Variants in CTNNBL1 observed in about 807,000 individuals in gnomAD.
The protein encoded by CTNNBL1 is catenin beta like 1, also known as beta-catenin-like protein 1.
Under a neutral mutation model 72.7 loss-of-function variants are expected in CTNNBL1, and 31 were observed. The observed-to-expected ratio is 0.43, with a 90% CI of 0.32 to 0.58. The LOEUF is 0.58. CTNNBL1 is among the 20% of genes least tolerant of loss of function. The pLI, the probability that CTNNBL1 is intolerant of heterozygous loss-of-function variation, is 0.08. For synonymous variants in CTNNBL1, 240 were observed against 267.3 expected (o/e 0.90, Z 1.00); for missense variants, 534 against 725.1 (o/e 0.74, Z 3.03).
At chr20:37,794,984 C>T (rs1295224650) in intron 10 of CTNNBL1, among the ~76,000 whole-genome samples, 1 of 151,816 alleles carries the variant, frequency 6.6e-6, no homozygotes, top group Non-Finnish European at 1.5e-5. Flanking sequence ...TGTAATTTGT[C>T]CCTTTTTTCT....
chr20:37,856,851 A>G (rs973410508), intron 13 of CTNNBL1, among the ~76,000 whole-genome samples: 1 of 152,150 alleles, frequency 6.6e-6, no homozygotes, highest in Non-Finnish European at 1.5e-5. Flanking sequence ...GGTTAAAACC[A>G]GGGCTTCCCT....
At chr20:37,703,133 A>G (rs2122544665) in intron 1 of CTNNBL1, among the ~76,000 whole-genome samples, 1 of 152,348 alleles carries the variant, frequency 6.6e-6, no homozygotes, top group Non-Finnish European at 1.5e-5. Context: ...AAAAAATTAT[A>G]AAAATAGTAG....
intron 11 of CTNNBL1, among the ~76,000 whole-genome samples, chr20:37,837,763 C>T (rs1037107813): frequency 6.6e-6 from 1 of 152,226 alleles, no homozygotes; most frequent in Non-Finnish European, 1.5e-5. Context: ...ATATCGATAG[C>T]CTGCTTTCTT....
chr20:37,779,365 C>CT (rs2073605915), intron 10 of CTNNBL1, 30 bp downstream of exon 10: 5 of 1,606,180 alleles, frequency 3.1e-6, no homozygotes, highest in Non-Finnish European at 4.3e-6. Flanking sequence ...GTTCTCCCAC[C>CT]TTTTTTGCCT....
intron 5 of CTNNBL1, among the ~76,000 whole-genome samples, chr20:37,761,771 G>C (rs988229102): frequency 6.6e-6 from 1 of 152,258 alleles, no homozygotes; most frequent in Non-Finnish European, 1.5e-5. Context: ...ATGTAGAGTA[G>C]CTGGGAAGTC....
In CTNNBL1 at chr20:37,777,670, T is replaced by C. The variant is rs1383259269; in HGVS notation, c.840T>C (p.Leu280=). 1.2e-6 allele frequency: 2 copies of C among 1,613,806 alleles called. No individual in the cohort carries two copies. Among genetic ancestry groups the C allele is most frequent in the Non-Finnish European group, 1.7e-6 (2 of 1,179,744 alleles). Residue 280 remains leucine (L), a synonymous_variant, in exon 9 of 16, where the codon CTT becomes CTC. Transcript: ENST00000361383. ...LQDNDENREL[L]GELDGIDVLL... ...CCCCTTTAGAAAACAGGGAATTGCT[T>C]GGGGAGCTGGATGGAATCGATGTGC... is the stretch of plus-strand genomic sequence containing the variant.
chr20:37,783,934 A>G (rs1447434246), intron 10 of CTNNBL1, among the ~76,000 whole-genome samples: 2 of 152,230 alleles, frequency 1.3e-5, no homozygotes, highest in African/African-American at 4.8e-5. Context: ...TGTTTGATCC[A>G]GTGCTGAAAG....
At chr20:37,744,314 C>A (rs1333235444) in intron 3 of CTNNBL1, among the ~76,000 whole-genome samples, 1 of 152,148 alleles carries the variant, frequency 6.6e-6, no homozygotes, top group African/African-American at 2.4e-5. Flanking sequence ...CAAAATATAT[C>A]AAAATCTATT....
intron 11 of CTNNBL1, among the ~76,000 whole-genome samples, chr20:37,812,519 C>T (rs556020439): frequency 1.2e-4 from 19 of 152,328 alleles, no homozygotes; most frequent in Middle Eastern, 6.8e-3. Context: ...AAATTCATTA[C>T]GTCTTCAAAT....
chr20:37,802,368 G>C (rs560447634), intron 10 of CTNNBL1, among the ~76,000 whole-genome samples: 1 of 152,176 alleles, frequency 6.6e-6, no homozygotes, highest in Admixed American at 6.5e-5. Context: ...AGGGTAGGGG[G>C]TGTTAAGAGT....
At chr20:37,848,977 C>A (rs6512730) in intron 13 of CTNNBL1, among the ~76,000 whole-genome samples, 97 of 152,130 alleles carry the variant, frequency 6.4e-4, no homozygotes, top group African/African-American at 2.2e-3. Flanking sequence ...ATCTCTTCCC[C>A]TACTGCCCAT....
At chr20:37,724,099 G>A (rs573216812) in intron 1 of CTNNBL1, among the ~76,000 whole-genome samples, 1 of 152,328 alleles carries the variant, frequency 6.6e-6, no homozygotes, top group South Asian at 2.1e-4. Flanking sequence ...GAGGTTAACA[G>A]CAGATGATTT....
chr20:37,775,566 A>G (rs2073566598), intron 7 of CTNNBL1, among the ~76,000 whole-genome samples: 1 of 152,210 alleles, frequency 6.6e-6, no homozygotes, highest in African/African-American at 2.4e-5. Flanking sequence ...CTAATGCCAG[A>G]TCTGTGTTTT....
chr20:37,697,268 C>A lies in CTNNBL1; in HGVS notation c.30+3116C>A, dbSNP rs6020274. ...TATTTTTATTGGACAACACTCCTGT[C>A]GAAAATAACCCCTGGGAGTTGGGGA... On this transcript the variant is annotated intron_variant, in intron 1 of 15. Transcript: ENST00000361383. Among the ~76,000 whole-genome samples, 693 of 152,004 alleles carry A rather than the reference C, an allele frequency of 4.6e-3. 9 individuals carry two copies. The highest frequency in any genetic ancestry group is 0.017 in the East Asian group (89 of 5,182).
At chr20:37,831,830 A>G (rs1464943229) in intron 11 of CTNNBL1, among the ~76,000 whole-genome samples, 1 of 152,222 alleles carries the variant, frequency 6.6e-6, no homozygotes, top group Non-Finnish European at 1.5e-5. Flanking sequence ...CATGCCCTAT[A>G]ATTATCATAA....
At chr20:37,752,687 A>G (rs146642049) in intron 4 of CTNNBL1, among the ~76,000 whole-genome samples, 65 of 152,288 alleles carry the variant, frequency 4.3e-4, no homozygotes, top group African/African-American at 1.6e-3. Flanking sequence ...GCCAAAAAAT[A>G]GAAGTAAACA....
At chr20:37,866,184 A>G (rs1249764614) in intron 15 of CTNNBL1, among the ~76,000 whole-genome samples, 1 of 152,242 alleles carries the variant, frequency 6.6e-6, no homozygotes, top group Non-Finnish European at 1.5e-5. Flanking sequence ...AGGCATCTTA[A>G]GGACACCTCA....
chr20:37,777,861 T>C, intron 9 of CTNNBL1, 149 bp downstream of exon 9: 2 of 748,770 alleles, frequency 2.7e-6, no homozygotes, highest in South Asian at 3.2e-5. Flanking sequence ...CGGAGGGACA[T>C]GGTTTGCCTC....
intron 3 of CTNNBL1, among the ~76,000 whole-genome samples, chr20:37,744,430 A>T (rs564952792): frequency 5.3e-5 from 8 of 152,240 alleles, no homozygotes; most frequent in Non-Finnish European, 8.8e-5. Flanking sequence ...AAGGGAAAAG[A>T]AATGGAAATT....
Sources: allele counts gnomAD v4.1 joint callset (sites outside exome capture counted in the v4.1 genomes callset), GRCh38; gene constraint gnomAD v4.1.1; transcripts MANE v1.5; gene names NCBI Gene and HGNC (gene_info 2026-07-23, HGNC 2026-07-21).